CRAMP1: variants seen among roughly 807,000 people sequenced by gnomAD.
CRAMP1 encodes the protein cramped chromatin regulator 1.
Under a neutral mutation model 115.4 loss-of-function variants are expected in CRAMP1, and 50 were observed. The observed-to-expected ratio is 0.43, with a 90% CI of 0.35 to 0.55. The LOEUF is 0.55. CRAMP1 is among the 20% of genes least tolerant of loss of function. The probability of loss-of-function intolerance (pLI) is 0.01; values close to 1 mark genes in which losing one functional copy is unlikely to be tolerated. For synonymous variants in CRAMP1, 866 were observed against 745.4 expected (o/e 1.16, Z -2.64); for missense variants, 1,679 against 1,721.7 (o/e 0.98, Z 0.44).
intron 11 of CRAMP1, 117 bp from the exon 12 acceptor site, chr16:1,662,373 A>G (rs763089931): frequency 6.4e-6 from 5 of 775,984 alleles, no homozygotes; most frequent in African/African-American, 1.7e-5. Flanking sequence ...CTTTCAAGGC[A>G]GCCGAACGGG....
Position 1,667,371 on chromosome 16 carries a change from G to A in CRAMP1, c.3073G>A (p.Glu1025Lys), listed in dbSNP as rs1596498724. 6.2e-7 allele frequency: 1 copy of A among 1,613,224 alleles called. No homozygotes were observed. Among genetic ancestry groups the A allele is most frequent in the Middle Eastern group, 1.7e-4 (1 of 6,060 alleles). ...ATTTGTCAGCATCCCTTCGAGGCCTGAGCAGGAGCCAGTGGCAGACAGTTT... is the reference window on the plus strand; with the variant it reads ...ATTTGTCAGCATCCCTTCGAGGCCTAAGCAGGAGCCAGTGGCAGACAGTTT... ...DPFVSIPSRPEQEPVADSFQG... is the reference protein window; with the variant it reads ...DPFVSIPSRPKQEPVADSFQG... Residue 1025 changes from glutamate to lysine, a missense_variant, in exon 17 of 21, where the codon GAG becomes AAG. Coordinates refer to ENST00000397412, the MANE Select transcript of CRAMP1 (RefSeq NM_020825.4).
rs756099039 is a variant in CRAMP1, at chr16:1,666,041, C to T, written c.2753-32C>T. Reference sequence around the variant, plus strand: ...GCTGTGAGGGCATGGCGGGCGGGCTCGACATGTCTGCTTTTGCCCTCGCCC... The same window carrying T: ...GCTGTGAGGGCATGGCGGGCGGGCTTGACATGTCTGCTTTTGCCCTCGCCC... On this transcript the variant is annotated intron_variant, in intron 14 of 20. Transcript: ENST00000397412. This position sits in a 1 kb window ranked among gnomAD's most constrained non-coding sequence, Gnocchi z 5.0. 24 of 1,464,364 alleles carry T rather than the reference C, an allele frequency of 1.6e-5. No homozygotes were observed. The highest frequency in any genetic ancestry group is 2.0e-5 in the Non-Finnish European group (21 of 1,068,834). The allele number at this position is 1,464,364 out of a possible 1,614,324, so 90.7% of individuals were successfully genotyped here.
intron 6 of CRAMP1, among the ~76,000 whole-genome samples, chr16:1,649,489 T>C (rs2036704752): frequency 6.6e-6 from 1 of 152,114 alleles, no homozygotes; most frequent in Non-Finnish European, 1.5e-5. Context: ...ATTTCTATTT[T>C]TATTTTTTTA....
At position 1,636,684 on chromosome 16, in the gene CRAMP1, G is replaced by A. The variant is rs547607473; in HGVS notation, c.695-1140G>A. On this transcript the variant is annotated intron_variant, in intron 4 of 20. Coordinates refer to ENST00000397412, the MANE Select transcript of CRAMP1 (RefSeq NM_020825.4). Reference sequence around the variant, plus strand: ...TGTTGTCACTTGGTTTCCCTAGCAGGATTAGGTCTGGTGTAATACAGTAAC... The same window carrying A: ...TGTTGTCACTTGGTTTCCCTAGCAGAATTAGGTCTGGTGTAATACAGTAAC... Among the ~76,000 whole-genome samples, 8 of 152,358 alleles carry A rather than the reference G, an allele frequency of 5.3e-5. No homozygotes were observed. The East Asian group carries it at 1.3e-3, about 26-fold the overall frequency.
intron 11 of CRAMP1, among the ~76,000 whole-genome samples, chr16:1,662,229 CT>C (rs1186465676): frequency 6.6e-6 from 1 of 152,188 alleles, no homozygotes; most frequent in Non-Finnish European, 1.5e-5. Context: ...GCCCTTACCC[CT>C]GAGCACTGAG....
intron 2 of CRAMP1, among the ~76,000 whole-genome samples, chr16:1,616,391 T>C (rs577575629): frequency 6.6e-6 from 1 of 152,268 alleles, no homozygotes; most frequent in South Asian, 2.1e-4. Context: ...TGGAGATGCT[T>C]TTCTGTCGGG....
At chr16:1,662,941 C>A in intron 13 of CRAMP1, 106 bp downstream of exon 13, 1 of 802,962 alleles carries the variant, frequency 1.2e-6, no homozygotes, top group Non-Finnish European at 2.0e-6. Context: ...GTGGGAAATT[C>A]CTGCCCCTTC....
At chr16:1,651,292 C>T (rs2036720369) in intron 6 of CRAMP1, among the ~76,000 whole-genome samples, 1 of 150,598 alleles carries the variant, frequency 6.6e-6, no homozygotes, top group Non-Finnish European at 1.5e-5. Context: ...GGACTGAGGT[C>T]ACACACAGGT....
intron 6 of CRAMP1, among the ~76,000 whole-genome samples, chr16:1,647,881 AG>A (rs1408629370): frequency 6.6e-6 from 1 of 151,566 alleles, no homozygotes; most frequent in Non-Finnish European, 1.5e-5. Flanking sequence ...GGGAAGTCTT[AG>A]CCTGTCTTAC....
chr16:1,639,454 G>A (rs1329344704), intron 5 of CRAMP1, among the ~76,000 whole-genome samples: 1 of 151,402 alleles, frequency 6.6e-6, no homozygotes, highest in Non-Finnish European at 1.5e-5. Flanking sequence ...TGTAAATGAA[G>A]TAGTGGCCAG....
rs1466414233 is a variant in CRAMP1, at chr16:1,666,204, C to T, written c.2857+27C>T. On this transcript the variant is annotated intron_variant, in intron 15 of 20. Coordinates refer to ENST00000397412, the MANE Select transcript of CRAMP1 (RefSeq NM_020825.4). The surrounding 1 kb of genome is among the most constrained non-coding windows in gnomAD (Gnocchi z 5.0). Reference sequence around the variant, plus strand: ...TAAGTCTGTACCTGCATGGCCACAGCCACTGAGTGAGCCTCTGAGGGATGT... The same window carrying T: ...TAAGTCTGTACCTGCATGGCCACAGTCACTGAGTGAGCCTCTGAGGGATGT... The T allele has an allele frequency of 4.0e-6, 6 of 1,482,772 alleles. No individual in the cohort carries two copies. Among genetic ancestry groups the T allele is most frequent in the South Asian group, 1.2e-5 (1 of 85,244 alleles). The allele number at this position is 1,482,772 out of a possible 1,614,324, so 91.9% of individuals were successfully genotyped here.
Position 1,670,711 on chromosome 16 carries a change from A to G in CRAMP1, c.3547A>G (p.Ile1183Val), listed in dbSNP as rs1215143307. ...EKSRKMLPTPIGTNSGTSLLG... is the reference protein window; with the variant it reads ...EKSRKMLPTPVGTNSGTSLLG... ...GAGCCGGAAGATGTTGCCGACTCCC[A>G]TTGGGACCAACAGTGGCACTTCCTT... Residue 1183 changes from isoleucine to valine, a missense_variant, in exon 20 of 21, where the codon ATT (isoleucine) becomes GTT (valine). Physicochemically the swap from Ile to Val is conservative, Grantham distance 29 (BLOSUM62 3). Transcript: ENST00000397412. 2.5e-6 allele frequency: 4 copies of G among 1,613,826 alleles called. No individual in the cohort carries two copies. The highest frequency in any genetic ancestry group is 1.3e-5 in the African/African-American group (1 of 74,902).
chr16:1,639,767 G>A (rs904300311), intron 5 of CRAMP1, among the ~76,000 whole-genome samples: 21 of 152,148 alleles, frequency 1.4e-4, no homozygotes, highest in African/African-American at 5.1e-4. Context: ...AAGGGGAGGG[G>A]GCGTTGCAAA....
intron 1 of CRAMP1, among the ~76,000 whole-genome samples, chr16:1,613,273 C>T (rs1055644947): frequency 2.0e-5 from 3 of 151,908 alleles, no homozygotes; most frequent in Non-Finnish European, 2.9e-5. Context: ...ACTCGAGATT[C>T]CCTAGACCAA....
chr16:1,646,223 C>T (rs367796680), intron 6 of CRAMP1, among the ~76,000 whole-genome samples: 4 of 152,200 alleles, frequency 2.6e-5, no homozygotes, highest in African/African-American at 9.7e-5. Context: ...TGAAGAAGTG[C>T]CCAGGCTTTG....
chr16:1,662,795 A>C lies in CRAMP1; in HGVS notation c.2630A>C (p.Lys877Thr), dbSNP rs1341993238. 6.2e-7 allele frequency: 1 copy of C among 1,613,950 alleles called. No homozygotes were observed. Among genetic ancestry groups the C allele is most frequent in the Admixed American group, 1.7e-5 (1 of 60,026 alleles). ...QSDFFLPKPR[K>T]LRNRHLRKPL... is the part of the protein sequence containing the mutation. ...GATTTCTTCCTGCCAAAGCCCCGGA[A>C]GCTGCGGAACCGGCACCTGCGGAAG... The change falls in exon 13 of 21, where the codon AAG becomes ACG. Residue 877 changes from lysine (K) to threonine (T), a missense_variant. Lys to Thr is a moderately conservative substitution (Grantham distance 78). Around this residue, in one of 8 missense-constraint regions of CRAMP1, gnomAD observed 709 missense variants for 741.9 expected, o/e 0.96. Transcript: ENST00000397412.
chr16:1,618,315 T>A (rs2036438422), intron 2 of CRAMP1, among the ~76,000 whole-genome samples: 1 of 152,172 alleles, frequency 6.6e-6, no homozygotes, highest in Non-Finnish European at 1.5e-5. Flanking sequence ...AATAAACACC[T>A]GCCTTAAGTC....
At chr16:1,612,988 G>A (rs2036372662) in intron 1 of CRAMP1, among the ~76,000 whole-genome samples, 1 of 152,160 alleles carries the variant, frequency 6.6e-6, no homozygotes, top group Non-Finnish European at 1.5e-5. Context: ...CCCGTGCTCG[G>A]TCGGCGTCTT....
chr16:1,624,159 CT>C (rs1215391542), intron 2 of CRAMP1, among the ~76,000 whole-genome samples: 59 of 142,442 alleles, frequency 4.1e-4, no homozygotes, highest in South Asian at 6.7e-4. Context: ...TTTTTAAGTT[CT>C]TTTTTTTTTT....
Sources: gnomAD v4.1 joint callset for allele counts (sites outside exome capture counted in the v4.1 genomes callset) on GRCh38, gnomAD v4.1.1 for gene constraint, gnomAD v4.1.1 regional missense constraint, Gnocchi (gnomAD v3.1) non-coding constraint, MANE v1.5 for transcripts, NCBI Gene and HGNC (gene_info 2026-07-23, HGNC 2026-07-21) for gene names.